CUBN: variants seen among roughly 807,000 people sequenced by gnomAD.
The protein encoded by CUBN is cubilin, also known as 460 kDa receptor.
CUBN carries 282 observed loss-of-function variants against 405.3 expected under a neutral mutation model. The observed-to-expected ratio is 0.70, with a 90% confidence interval of 0.63 to 0.77. The LOEUF (loss-of-function observed/expected upper bound fraction) is 0.77, where lower values mean the gene tolerates loss of function less well. Ranked by LOEUF, CUBN falls within the 30% of genes least tolerant of loss-of-function variation. The probability of loss-of-function intolerance (pLI) is 0.00; values close to 1 mark genes in which losing one functional copy is unlikely to be tolerated. For missense variants in CUBN, 4,514 were observed against 4,475.2 expected (o/e 1.01, Z -0.25); for synonymous variants, 1,684 against 1,617.0 (o/e 1.04, Z -0.99).
chr10:16,961,800 C>CT (rs1843230102), intron 31 of CUBN, among the ~76,000 whole-genome samples: 2 of 150,806 alleles, frequency 1.3e-5, no homozygotes, highest in African/African-American at 4.9e-5. Context: ...CAACCTCCGC[C>CT]TCCCGGGTTC....
chr10:16,845,382 C>A (rs1042340269), intron 60 of CUBN, among the ~76,000 whole-genome samples: 62 of 152,216 alleles, frequency 4.1e-4, no homozygotes, highest in Non-Finnish European at 1.5e-4. Flanking sequence ...TTCATGAATT[C>A]TTTGATCTTA....
intron 17 of CUBN, among the ~76,000 whole-genome samples, chr10:17,078,576 A>C (rs1835900783): frequency 6.6e-6 from 1 of 152,184 alleles, no homozygotes; most frequent in South Asian, 2.1e-4. Context: ...GTGTGTGCTT[A>C]CTTATTTAAT....
At chr10:16,857,566 A>G (rs1030070909) in intron 59 of CUBN, among the ~76,000 whole-genome samples, 1 of 152,234 alleles carries the variant, frequency 6.6e-6, no homozygotes, top group Non-Finnish European at 1.5e-5. Context: ...ATAATTTACT[A>G]AGCAAAATGA....
In CUBN at chr10:16,928,172, C is replaced by T; in HGVS notation, c.6256G>A (p.Ala2086Thr). The T allele has an allele frequency of 2.5e-6, 4 of 1,613,754 alleles. No homozygotes were observed. The highest frequency in any genetic ancestry group is 3.4e-6 in the Non-Finnish European group (4 of 1,179,818). The change falls in exon 41 of 67, where the codon GCA becomes ACA. Residue 2086 changes from alanine (A) to threonine (T), a missense_variant. Coordinates refer to ENST00000377833, the MANE Select transcript of CUBN (RefSeq NM_001081.4). ...AACTCATTACTCTTGTGAAAGGATG[C>T]ATTGAAGCCTGCCCTGGTTACACTG... ...DSSVTRAGFN[A>T]SFHKSCGGYL...
At position 16,885,690 on chromosome 10, in the gene CUBN, T is replaced by C. The variant is rs186668259; in HGVS notation, c.8905+2727A>G. 5.9e-5 allele frequency among the ~76,000 whole-genome samples: 9 copies of C among 152,270 alleles called. No homozygotes were observed. In the East Asian group the frequency reaches 1.7e-3, roughly 29 times the overall value. On this transcript the variant is annotated intron_variant, in intron 56 of 66. Transcript: ENST00000377833. ...AGCTGTCTCAGGTCATGATAGAGTC[T>C]CTTATAATAATACATATACCACTGG...
At chr10:17,102,105 T>A (rs1174956039) in intron 13 of CUBN, among the ~76,000 whole-genome samples, 1 of 152,128 alleles carries the variant, frequency 6.6e-6, no homozygotes, top group African/African-American at 2.4e-5. Context: ...GTGTAGAGAA[T>A]CATTCATGCT....
intron 17 of CUBN, among the ~76,000 whole-genome samples, chr10:17,074,957 C>T (rs908156425): frequency 2.0e-5 from 3 of 151,702 alleles, no homozygotes; most frequent in Non-Finnish European, 4.4e-5. Context: ...CTGAACTCAC[C>T]CAGGGGATTA....
chr10:17,065,638 T>G lies in CUBN; in HGVS notation c.3009A>C (p.Arg1003Ser), dbSNP rs764656328. 2 of 1,613,198 alleles carry G rather than the reference T, an allele frequency of 1.2e-6. No homozygotes were observed. The highest frequency in any genetic ancestry group is 1.3e-5 in the African/African-American group (1 of 74,890). ...YDTDSETSLG[R>S]YCGKSIPPSL... is the part of the protein sequence containing the mutation. Reference sequence around the variant, plus strand: ...ATGGCGGGATCGACTTTCCACAGTATCTATTCCAAACCAAGAAAGGACAGA... The same window carrying G: ...ATGGCGGGATCGACTTTCCACAGTAGCTATTCCAAACCAAGAAAGGACAGA... The change falls in exon 22 of 67, where the codon AGA (arginine) becomes AGC (serine). Residue 1003 changes from arginine (R) to serine (S), a missense_variant and splice_region_variant. Physicochemically the swap from Arg to Ser is moderately radical, Grantham distance 110. Transcript: ENST00000377833.
At chr10:16,907,728 A>T (rs765234814) in intron 48 of CUBN, 49 bp from the exon 49 acceptor site, 1 of 1,591,848 alleles carries the variant, frequency 6.3e-7, no homozygotes. Flanking sequence ...ATCTTACTGC[A>T]TATTTCCTAG....
In CUBN at chr10:16,925,726, T is replaced by C. The variant is rs368864485; in HGVS notation, c.6320A>G (p.Lys2107Arg). ...GTTGGATGGGTAAGTCTCTGGATAC[T>C]TGGGGGACGTGATGATCCCTCTGTC... ...HADRGIITSPKYPETYPSNLN... is the reference protein window; with the variant it reads ...HADRGIITSPRYPETYPSNLN... Residue 2107 changes from lysine (K) to arginine (R), a missense_variant, in exon 42 of 67, where the codon AAG becomes AGG. Lys to Arg is a conservative substitution (Grantham distance 26). Coordinates refer to ENST00000377833, the MANE Select transcript of CUBN (RefSeq NM_001081.4). The C allele has an allele frequency of 4.3e-6, 7 of 1,614,014 alleles. No individual in the cohort carries two copies. In the South Asian group the frequency reaches 4.4e-5, roughly 10 times the overall value.
chr10:16,835,490 T>A (rs1289654196), intron 63 of CUBN, among the ~76,000 whole-genome samples: 1 of 152,174 alleles, frequency 6.6e-6, no homozygotes, highest in Non-Finnish European at 1.5e-5. Flanking sequence ...ACTTTTCTGA[T>A]CACGTTGAGG....
intron 14 of CUBN, among the ~76,000 whole-genome samples, 158 bp downstream of exon 14, chr10:17,099,847 G>C (rs1588641349): frequency 6.6e-6 from 1 of 151,954 alleles, no homozygotes; most frequent in Non-Finnish European, 1.5e-5. Context: ...GTAAGACCTT[G>C]TCTCAAAATA....
chr10:17,018,371 C>T (rs1014048855), intron 28 of CUBN, among the ~76,000 whole-genome samples: 6 of 152,044 alleles, frequency 3.9e-5, no homozygotes, highest in Non-Finnish European at 1.5e-5. Flanking sequence ...TGCGGACCCT[C>T]GTGGTGAGTG....
chr10:17,092,136 T>C (rs1836272544), intron 14 of CUBN, among the ~76,000 whole-genome samples: 1 of 152,154 alleles, frequency 6.6e-6, no homozygotes, highest in African/African-American at 2.4e-5. Context: ...TAGCACCAAC[T>C]GGCAGACTGT....
chr10:16,841,774 G>A (rs1344062097), intron 60 of CUBN, among the ~76,000 whole-genome samples: 3 of 151,896 alleles, frequency 2.0e-5, no homozygotes, highest in Non-Finnish European at 2.9e-5. Flanking sequence ...TCGGCCGGGC[G>A]TGGTGGTACA....
At position 16,841,066 on chromosome 10, in the gene CUBN, C is replaced by T. The variant is rs1839334014; in HGVS notation, c.9664-19G>A. ...CATATAACTGAGAAGAAAAACAATTCATTACTTCTCCATTACTTACAAAAA... is the reference window on the plus strand; with the variant it reads ...CATATAACTGAGAAGAAAAACAATTTATTACTTCTCCATTACTTACAAAAA... On this transcript the variant is annotated intron_variant, in intron 60 of 66. Transcript: ENST00000377833. 1 of 1,612,428 alleles carries T rather than the reference C, an allele frequency of 6.2e-7. No homozygotes were observed. Among genetic ancestry groups the T allele is most frequent in the Non-Finnish European group, 8.5e-7 (1 of 1,178,764 alleles).
chr10:17,047,710 A>G, intron 22 of CUBN, 107 bp from the exon 23 acceptor site: 11 of 1,051,594 alleles, frequency 1.0e-5, no homozygotes, highest in Non-Finnish European at 1.6e-5. Context: ...TTGATTTTCA[A>G]TAAGCCATTC....
intron 31 of CUBN, among the ~76,000 whole-genome samples, chr10:16,960,382 C>T (rs972770217): frequency 1.3e-5 from 2 of 152,088 alleles, no homozygotes; most frequent in African/African-American, 4.8e-5. Context: ...ATCCCAGCTA[C>T]CTGGGAGGCT....
chr10:16,892,492 T>A (rs1050773344), intron 54 of CUBN, among the ~76,000 whole-genome samples: 2 of 151,858 alleles, frequency 1.3e-5, no homozygotes, highest in African/African-American at 2.4e-5. Context: ...TATATATATT[T>A]TATATATATA....
Sources: allele counts gnomAD v4.1 joint callset (sites outside exome capture counted in the v4.1 genomes callset), GRCh38; gene constraint gnomAD v4.1.1; transcripts MANE v1.5; gene names NCBI Gene and HGNC (gene_info 2026-07-23, HGNC 2026-07-21).